CDC42SE2: variants seen among roughly 807,000 people sequenced by gnomAD.
CDC42SE2 encodes the protein CDC42 small effector protein 2.
In CDC42SE2, 3 loss-of-function variants were observed where a neutral mutation model predicts 11.5. That is an observed-to-expected ratio of 0.26 (90% CI 0.12 to 0.67). CDC42SE2 has a LOEUF of 0.67. CDC42SE2 is among the 30% of genes least tolerant of loss of function. CDC42SE2 has a pLI of 0.80. For synonymous variants in CDC42SE2, 33 were observed against 34.8 expected, an observed-to-expected ratio of 0.95 and a Z score of 0.18; for missense variants, 82 against 106.8, an observed-to-expected ratio of 0.77 and a Z score of 1.02.
At chr5:131,263,692 G>T (rs1196352754), upstream of CDC42SE2, 1 of 116,650 alleles carries the variant, frequency 8.6e-6, no homozygotes, top group Non-Finnish European at 1.7e-5. Flanking sequence ...TCGCTCCTCC[G>T]CACGGATGTC....
At position 131,394,223 on chromosome 5, in the gene CDC42SE2, T is replaced by TAACA. The variant is rs1295575484; in HGVS notation, c.*3135_*3138dup. The stretch of plus-strand genomic sequence containing the variant: ...TGTTAATCTTTGCTGAAATATATGC[T>TAACA]AACAAATGTTAAGCAAGGGAAACTG... On this transcript the variant is annotated 3_prime_UTR_variant, in exon 5 of 5. Coordinates refer to ENST00000505065, the MANE Select transcript of CDC42SE2 (RefSeq NM_001375635.1). 6.6e-6 allele frequency: 1 copy of TAACA among 152,374 alleles called. No individual in the cohort carries two copies. The highest frequency in any genetic ancestry group is 1.5e-5 in the Non-Finnish European group (1 of 68,044). The allele number at this position is 152,374 out of a possible 1,614,324, so 9.4% of individuals were successfully genotyped here. A position where few individuals can be genotyped will look rare whatever the true frequency, so the allele number is the denominator to read the frequency against.
At chr5:131,278,033 TC>T (rs553893937) in intron 1 of CDC42SE2, among the ~76,000 whole-genome samples, 135 of 152,240 alleles carry the variant, frequency 8.9e-4, no homozygotes, top group African/African-American at 3.0e-3. Context: ...TTGCTCTGTC[TC>T]CCAGGCTGGA....
chr5:131,255,490 C>T (rs909877503), intron 2 of CDC42SE2: 6 of 152,130 alleles, frequency 3.9e-5, no homozygotes, highest in Non-Finnish European at 5.9e-5. Flanking sequence ...GAGAGCCGGG[C>T]GCAGTGGCTC....
chr5:131,384,913 CAAAAAAAAA>C (rs34252680), intron 3 of CDC42SE2, among the ~76,000 whole-genome samples: 1 of 72,084 alleles, frequency 1.4e-5, no homozygotes, highest in South Asian at 5.1e-4. Flanking sequence ...GACTCCATCT[CAAAAAAAAA>C]AAAAAAAAAA....
chr5:131,380,049 C>G (rs539782863), intron 3 of CDC42SE2, among the ~76,000 whole-genome samples: 8 of 152,094 alleles, frequency 5.3e-5, no homozygotes, highest in African/African-American at 1.9e-4. Context: ...GCCTCAGCCT[C>G]TCAAGTAGCT....
At chr5:131,336,693 C>G (rs760335212) in intron 2 of CDC42SE2, among the ~76,000 whole-genome samples, 25 of 152,138 alleles carry the variant, frequency 1.6e-4, no homozygotes, top group Non-Finnish European at 2.8e-4. Context: ...TTTCTCTAAA[C>G]TTCTCCTCAA....
intron 2 of CDC42SE2, among the ~76,000 whole-genome samples, chr5:131,337,445 G>T (rs957046105): frequency 3.3e-5 from 5 of 152,210 alleles, no homozygotes; most frequent in African/African-American, 1.2e-4. Flanking sequence ...CAGTCTGCCC[G>T]TTCTCAGATT....
chr5:131,288,221 C>G (rs1757381439), intron 1 of CDC42SE2, among the ~76,000 whole-genome samples: 1 of 148,642 alleles, frequency 6.7e-6, no homozygotes, highest in African/African-American at 2.5e-5. Context: ...GAGACCCTGC[C>G]TCAAAAAAAA....
At chr5:131,286,644 C>G (rs947042152) in intron 1 of CDC42SE2, among the ~76,000 whole-genome samples, 3 of 152,026 alleles carry the variant, frequency 2.0e-5, no homozygotes, top group Non-Finnish European at 2.9e-5. Flanking sequence ...ACCAACCCCT[C>G]CTTTTCCTCC....
In CDC42SE2 at chr5:131,385,580, A is replaced by G. The variant is rs1750457622; in HGVS notation, c.92A>G (p.Glu31Gly). The G allele has an allele frequency of 6.2e-7, 1 of 1,613,846 alleles. No homozygotes were observed. Among genetic ancestry groups the G allele is most frequent in the Non-Finnish European group, 8.5e-7 (1 of 1,179,796 alleles). Residue 31 changes from glutamate (E) to glycine (G), a missense_variant, in exon 4 of 5, where the codon GAG becomes GGG. Transcript: ENST00000505065. Reference sequence around the variant, plus strand: ...CGGATTGACAGAAGTATGATTGGAGAGCCCACAAACTTTGTGCATACAGCT... The same window carrying G: ...CGGATTGACAGAAGTATGATTGGAGGGCCCACAAACTTTGTGCATACAGCT... The part of the protein sequence containing the change: ...RRRIDRSMIG[E>G]PTNFVHTAHV...
At chr5:131,328,583 G>A (rs186548237) in intron 2 of CDC42SE2, among the ~76,000 whole-genome samples, 44 of 151,940 alleles carry the variant, frequency 2.9e-4, no homozygotes, top group Admixed American at 2.3e-3. Flanking sequence ...TCCTGTTTTG[G>A]CTTCATATAC....
At chr5:131,283,559 T>C (rs1423327729) in intron 1 of CDC42SE2, among the ~76,000 whole-genome samples, 1 of 150,978 alleles carries the variant, frequency 6.6e-6, no homozygotes, top group Non-Finnish European at 1.5e-5. Context: ...AGTGGTGTGA[T>C]CTCGGCCCAC....
chr5:131,295,964 C>T (rs961934976), intron 1 of CDC42SE2, among the ~76,000 whole-genome samples: 6 of 152,116 alleles, frequency 3.9e-5, no homozygotes, highest in East Asian at 3.9e-4. Flanking sequence ...GGATTACAGG[C>T]GTGAGCCACC....
At chr5:131,275,293 G>A (rs1390262959) in intron 1 of CDC42SE2, among the ~76,000 whole-genome samples, 1 of 150,404 alleles carries the variant, frequency 6.6e-6, no homozygotes, top group Non-Finnish European at 1.5e-5. Context: ...GGACTATATT[G>A]TAATCTTTTT....
intron 1 of CDC42SE2, among the ~76,000 whole-genome samples, chr5:131,315,535 T>G (rs1418958736): frequency 6.6e-6 from 1 of 152,142 alleles, no homozygotes; most frequent in African/African-American, 2.4e-5. Context: ...ATCCACAGGG[T>G]TAGTTAGCTG....
chr5:131,337,076 G>T (rs1758584418), intron 2 of CDC42SE2, among the ~76,000 whole-genome samples: 1 of 152,140 alleles, frequency 6.6e-6, no homozygotes, highest in South Asian at 2.1e-4. Context: ...TTTCTGCTCT[G>T]TTTTTTCCGC....
chr5:131,254,271 G>A (rs760318090), intron 1 of CDC42SE2, among the ~76,000 whole-genome samples: 23 of 152,156 alleles, frequency 1.5e-4, no homozygotes, highest in Non-Finnish European at 3.2e-4. Flanking sequence ...GTTGGGCACG[G>A]TGGCTCACTC....
At chr5:131,289,468 C>G (rs1005648666) in intron 1 of CDC42SE2, among the ~76,000 whole-genome samples, 3 of 152,036 alleles carry the variant, frequency 2.0e-5, no homozygotes, top group Non-Finnish European at 4.4e-5. Flanking sequence ...GTCAGGAGAT[C>G]GAGACCATCC....
At chr5:131,261,342 T>C (rs967552736), upstream of CDC42SE2, 7 of 152,238 alleles carry the variant, frequency 4.6e-5, no homozygotes, top group African/African-American at 7.2e-5. Context: ...AAATTTTATT[T>C]GGTATTATTG....
Sources: allele counts gnomAD v4.1 joint callset (sites outside exome capture counted in the v4.1 genomes callset), GRCh38; gene constraint gnomAD v4.1.1; transcripts MANE v1.5; gene names NCBI Gene and HGNC (gene_info 2026-07-23, HGNC 2026-07-21).